The following SLC7A2 variants were observed in gnomAD, a reference collection of about 807,000 sequenced individuals.
SLC7A2 encodes the protein cationic amino acid transporter 2.
SLC7A2 carries 48 observed loss-of-function variants against 58.9 expected under a neutral mutation model. The observed-to-expected ratio is 0.82, with a 90% confidence interval of 0.65 to 1.04. The LOEUF (loss-of-function observed/expected upper bound fraction) is 1.04, where lower values mean the gene tolerates loss of function less well. SLC7A2 is among the 50% of genes least tolerant of loss of function. SLC7A2 has a pLI of 0.00. For synonymous variants in SLC7A2, 363 were observed against 314.5 expected (o/e 1.15, Z -1.63); for missense variants, 1,029 against 818.8 (o/e 1.26, Z -3.13).
At chr8:17,507,392 G>T (rs1800414007) in intron 2 of SLC7A2, among the ~76,000 whole-genome samples, 3 of 152,048 alleles carry the variant, frequency 2.0e-5, no homozygotes, top group Admixed American at 2.0e-4. Flanking sequence ...ATTTTTGTGT[G>T]TGTGGAGACG....
At position 17,568,092 on chromosome 8, in the gene SLC7A2, A is replaced by T. The variant is rs913947201; in HGVS notation, c.*2946A>T. On this transcript the variant is annotated 3_prime_UTR_variant, in exon 13 of 13. Coordinates refer to ENST00000494857, the MANE Select transcript of SLC7A2 (RefSeq NM_001370338.1). ...GACTAGTAATCAATCAAAATTATAT[A>T]AAGTCTTCTCCAGTAATTAAGAAAT... The T allele has an allele frequency of 6.6e-6, 1 of 152,172 alleles. No individual in the cohort carries two copies. The highest frequency in any genetic ancestry group is 2.4e-5 in the African/African-American group (1 of 41,426). The allele number at this position is 152,172 out of a possible 1,614,324, so 9.4% of individuals were successfully genotyped here.
intron 2 of SLC7A2, among the ~76,000 whole-genome samples, chr8:17,522,111 T>C (rs1801038322): frequency 6.6e-6 from 1 of 152,186 alleles, no homozygotes; most frequent in African/African-American, 2.4e-5. Flanking sequence ...GGATAATTTA[T>C]TTTAAAAAAG....
chr8:17,520,803 T>A, intron 2 of SLC7A2: 2 of 618,028 alleles, frequency 3.2e-6, no homozygotes, highest in Non-Finnish European at 4.0e-6. Flanking sequence ...AGGATATTTT[T>A]AAATAGAGCA....
At position 17,544,571 on chromosome 8, in the gene SLC7A2, AT is replaced by A. The variant is rs780138939; in HGVS notation, c.504del (p.Phe168LeufsTer9). The A allele has an allele frequency of 6.2e-7, 1 of 1,613,876 alleles. No individual in the cohort carries two copies. Among genetic ancestry groups the A allele is most frequent in the Non-Finnish European group, 8.5e-7 (1 of 1,179,912 alleles). ...MNYTGLAEYP[D>X]FFAVCLILLL... ...TACACTGGTCTTGCAGAATATCCCG[AT>A]TTTTTTGCTGTGTGCCTTATATTAC... On this transcript the variant is annotated frameshift_variant, in exon 4 of 13. Coordinates refer to ENST00000494857, the MANE Select transcript of SLC7A2 (RefSeq NM_001370338.1). LOFTEE classifies it high-confidence loss of function.
At chr8:17,516,320 G>A (rs1800802841) in intron 2 of SLC7A2, among the ~76,000 whole-genome samples, 1 of 152,062 alleles carries the variant, frequency 6.6e-6, no homozygotes, top group East Asian at 1.9e-4. Flanking sequence ...CCGCCTTCCA[G>A]TCTCAAGCGA....
chr8:17,567,513 C>A lies in SLC7A2; in HGVS notation c.*2367C>A, dbSNP rs58179062. 1.3e-5 allele frequency: 2 copies of A among 152,450 alleles called. No homozygotes were observed. Among genetic ancestry groups the A allele is most frequent in the Non-Finnish European group, 2.9e-5 (2 of 68,010 alleles). 9.4% of individuals were successfully genotyped at this position (152,450 alleles called of 1,614,324 possible). On this transcript the variant is annotated 3_prime_UTR_variant, in exon 13 of 13. Coordinates refer to ENST00000494857, the MANE Select transcript of SLC7A2 (RefSeq NM_001370338.1). Reference sequence around the variant, plus strand: ...TGCCTTTTTTTCTGTGAAGACTCAACGGATGTGTGTGTTTGTATGTTTGTT... The same window carrying A: ...TGCCTTTTTTTCTGTGAAGACTCAAAGGATGTGTGTGTTTGTATGTTTGTT...
intron 7 of SLC7A2, among the ~76,000 whole-genome samples, chr8:17,554,117 A>G (rs1802577969): frequency 6.6e-6 from 1 of 152,248 alleles, no homozygotes; most frequent in Non-Finnish European, 1.5e-5. Flanking sequence ...ATTATTGAAT[A>G]AAGGTTGCAA....
At chr8:17,515,339 A>T (rs1347620272) in intron 2 of SLC7A2, among the ~76,000 whole-genome samples, 1 of 149,414 alleles carries the variant, frequency 6.7e-6, no homozygotes, top group African/African-American at 2.5e-5. Flanking sequence ...CCCTGTCTCC[A>T]GACTGGAGTG....
intron 2 of SLC7A2, among the ~76,000 whole-genome samples, chr8:17,526,600 C>T (rs1467344083): frequency 6.6e-6 from 1 of 151,912 alleles, no homozygotes; most frequent in East Asian, 1.9e-4. Context: ...CTTGGAGGTG[C>T]CCTGAAGTAT....
chr8:17,522,223 C>G (rs1801042618), intron 2 of SLC7A2, among the ~76,000 whole-genome samples: 1 of 152,092 alleles, frequency 6.6e-6, no homozygotes, highest in Admixed American at 6.6e-5. Context: ...GAATGAGAAC[C>G]AAGTAAAAGG....
intron 2 of SLC7A2, among the ~76,000 whole-genome samples, chr8:17,537,533 G>A (rs139017328): frequency 2.6e-5 from 4 of 152,258 alleles, no homozygotes; most frequent in Middle Eastern, 3.4e-3. Context: ...TGAGTCAGAT[G>A]TCTCTCTGGT....
chr8:17,548,036 C>G lies in SLC7A2; in HGVS notation c.533-642C>G, dbSNP rs546085132. Among the ~76,000 whole-genome samples the G allele has an allele frequency of 5.3e-5, 8 of 152,204 alleles. No homozygotes were observed. In the East Asian group the frequency reaches 1.4e-3, roughly 26 times the overall value. On this transcript the variant is annotated intron_variant, in intron 4 of 12. Coordinates refer to ENST00000494857, the MANE Select transcript of SLC7A2 (RefSeq NM_001370338.1). ...TGGCAGACAAATGTTTTAGCGTTTA[C>G]TTTTTAAAAGTTCGCAACTGGGCCG...
At chr8:17,549,676 A>G (rs1802354238) in intron 5 of SLC7A2, among the ~76,000 whole-genome samples, 1 of 152,228 alleles carries the variant, frequency 6.6e-6, no homozygotes, top group Non-Finnish European at 1.5e-5. Context: ...AAGCAGACAT[A>G]AGATTACACA....
chr8:17,512,054 G>A (rs1585189903), intron 2 of SLC7A2, among the ~76,000 whole-genome samples: 1 of 152,190 alleles, frequency 6.6e-6, no homozygotes, highest in Non-Finnish European at 1.5e-5. Flanking sequence ...GCTATGGAAT[G>A]CTTCTGGAGC....
At chr8:17,511,502 A>C (rs941863065) in intron 2 of SLC7A2, among the ~76,000 whole-genome samples, 1 of 152,158 alleles carries the variant, frequency 6.6e-6, no homozygotes, top group Non-Finnish European at 1.5e-5. Flanking sequence ...TTTGAATTAG[A>C]CTAATACAGT....
intron 2 of SLC7A2, among the ~76,000 whole-genome samples, chr8:17,512,633 CT>C (rs1246609655): frequency 6.6e-6 from 1 of 151,786 alleles, no homozygotes; most frequent in Non-Finnish European, 1.5e-5. Flanking sequence ...TTTTTTCCCC[CT>C]ATATTTAAAA....
intron 2 of SLC7A2, among the ~76,000 whole-genome samples, chr8:17,526,580 T>C (rs1801231433): frequency 6.6e-6 from 1 of 151,826 alleles, no homozygotes; most frequent in Non-Finnish European, 1.5e-5. Context: ...GTGGAGTGAG[T>C]AGAGATCATC....
chr8:17,543,782 T>G, intron 3 of SLC7A2, 67 bp downstream of exon 3: 1 of 1,421,386 alleles, frequency 7.0e-7, no homozygotes. Flanking sequence ...TCACAGCCCT[T>G]AGGTTCAGTT....
intron 2 of SLC7A2, among the ~76,000 whole-genome samples, chr8:17,542,792 C>T (rs1801970880): frequency 6.6e-6 from 1 of 151,994 alleles, no homozygotes; most frequent in African/African-American, 2.4e-5. Context: ...ATCAACATAT[C>T]CTTAGGAAAT....
Sources: allele counts gnomAD v4.1 joint callset (sites outside exome capture counted in the v4.1 genomes callset), GRCh38; gene constraint gnomAD v4.1.1; transcripts MANE v1.5; gene names NCBI Gene and HGNC (gene_info 2026-07-23, HGNC 2026-07-21).